Variants in VAT1L observed in about 807,000 individuals in gnomAD.
VAT1L encodes the protein putative NADPH-dependent quinone oxidoreductase VAT1L.
A neutral mutation model predicts 44.1 loss-of-function variants in VAT1L; 34 were observed. The ratio of observed to expected loss-of-function variants is 0.77; its 90% confidence interval spans 0.59 to 1.03. VAT1L has a LOEUF of 1.03. VAT1L is among the 50% of genes least tolerant of loss of function. The pLI is 0.00. For missense variants in VAT1L, 615 were observed against 538.8 expected (o/e 1.14, Z -1.40); for synonymous variants, 253 against 202.2 (o/e 1.25, Z -2.13).
rs555674707 is a variant in VAT1L at position 77,864,441 on chromosome 16, C to G, written c.722+1551C>G. ...AGCTCGATCTCTACCTGTGCCCCCCCACAAAAATACAAAACGTAGATGAGC... is the reference window on the plus strand; with the variant it reads ...AGCTCGATCTCTACCTGTGCCCCCCGACAAAAATACAAAACGTAGATGAGC... On this transcript the variant is annotated intron_variant, in intron 4 of 8. Coordinates refer to ENST00000302536, the MANE Select transcript of VAT1L (RefSeq NM_020927.3). Among the ~76,000 whole-genome samples, 291 of 149,128 alleles carry G rather than the reference C, an allele frequency of 2.0e-3. 1 individual carries two copies. The highest frequency in any genetic ancestry group is 3.4e-3 in the Non-Finnish European group (228 of 67,860).
chr16:77,855,991 G>A (rs1489012322), intron 3 of VAT1L, among the ~76,000 whole-genome samples: 2 of 152,082 alleles, frequency 1.3e-5, no homozygotes, highest in Non-Finnish European at 2.9e-5. Flanking sequence ...TCTCCAGCCT[G>A]GCAACAGAGG....
At chr16:77,917,063 T>C (rs1195611750) in intron 7 of VAT1L, among the ~76,000 whole-genome samples, 3 of 152,140 alleles carry the variant, frequency 2.0e-5, no homozygotes, top group Admixed American at 2.0e-4. Context: ...ATAAGAGATA[T>C]TGTTGAGTTA....
At chr16:77,880,001 C>G (rs2017132565) in intron 6 of VAT1L, among the ~76,000 whole-genome samples, 1 of 152,148 alleles carries the variant, frequency 6.6e-6, no homozygotes. Flanking sequence ...TAGACTCAGA[C>G]AAGCTCATGA....
intron 1 of VAT1L, among the ~76,000 whole-genome samples, chr16:77,808,358 GATTCTA>G (rs1235416816): frequency 1.3e-5 from 2 of 152,058 alleles, no homozygotes; most frequent in Non-Finnish European, 1.5e-5. Context: ...GCTCCCACTT[GATTCTA>G]CATTATGCTG....
chr16:77,905,815 T>C (rs1459978672), intron 7 of VAT1L, among the ~76,000 whole-genome samples: 1 of 152,228 alleles, frequency 6.6e-6, no homozygotes, highest in African/African-American at 2.4e-5. Flanking sequence ...GAAACATGGT[T>C]CTAAAAAATA....
rs1164354651 is a variant in VAT1L, at chr16:77,979,140, C to T, written c.*1445C>T. ...TGCATCTTAGCAATTACCTGATTTC[C>T]AAAGTCCTTTTGTAGCAAATGTCAC... On this transcript the variant is annotated 3_prime_UTR_variant, in exon 9 of 9. Transcript: ENST00000302536. The T allele has an allele frequency of 6.6e-6, 1 of 152,630 alleles. No homozygotes were observed. Among genetic ancestry groups the T allele is most frequent in the African/African-American group, 2.4e-5 (1 of 41,454 alleles). 9.5% of individuals were successfully genotyped at this position (152,630 alleles called of 1,614,324 possible). A position where few individuals can be genotyped will look rare whatever the true frequency, so the allele number is the denominator to read the frequency against.
intron 4 of VAT1L, among the ~76,000 whole-genome samples, chr16:77,867,964 A>C (rs182846602): frequency 7.2e-5 from 11 of 152,050 alleles, no homozygotes; most frequent in Admixed American, 1.3e-4. Context: ...TTTTTCATTT[A>C]TTCTGTACAG....
intron 7 of VAT1L, among the ~76,000 whole-genome samples, chr16:77,942,689 C>T (rs1020271322): frequency 2.0e-5 from 3 of 152,132 alleles, no homozygotes; most frequent in African/African-American, 7.2e-5. Flanking sequence ...GCAGATAGAG[C>T]AGTGGTTTGA....
intron 7 of VAT1L, among the ~76,000 whole-genome samples, chr16:77,970,863 G>A (rs2018271461): frequency 6.6e-6 from 1 of 152,178 alleles, no homozygotes. Context: ...GTTCCTCAAA[G>A]GCAGGCACTG....
intron 7 of VAT1L, among the ~76,000 whole-genome samples, chr16:77,923,451 G>GATGA (rs371394431): frequency 1.7e-3 from 254 of 152,250 alleles, no homozygotes; most frequent in African/African-American, 5.7e-3. Context: ...CTCTGTCATG[G>GATGA]ATGAATGAAT....
chr16:77,910,408 C>T (rs971219471), intron 7 of VAT1L, among the ~76,000 whole-genome samples: 2 of 152,256 alleles, frequency 1.3e-5, no homozygotes, highest in East Asian at 1.9e-4. Context: ...CGTGGTGGCT[C>T]ATGCCTGTAA....
Position 77,879,187 on chromosome 16 carries a change from C to G in VAT1L, c.845C>G (p.Thr282Ser). The stretch of plus-strand genomic sequence containing the variant: ...TTTTCAGGCTCATCCAACATGGTAA[C>G]TGGAGAGACCAAGAGCTTCTTCAGC... The part of the protein sequence containing the change: ...YILYGSSNMV[T>S]GETKSFFSFA... Residue 282 changes from threonine to serine, a missense_variant, in exon 6 of 9, where the codon ACT (threonine) becomes AGT (serine). Transcript: ENST00000302536. This position sits in a 1 kb window ranked among gnomAD's most constrained non-coding sequence, Gnocchi z 4.1. 2 of 1,614,206 alleles carry G rather than the reference C, an allele frequency of 1.2e-6. No individual in the cohort carries two copies. Among genetic ancestry groups the G allele is most frequent in the Non-Finnish European group, 1.7e-6 (2 of 1,180,024 alleles).
intron 7 of VAT1L, among the ~76,000 whole-genome samples, chr16:77,928,115 A>C (rs2142499702): frequency 6.6e-6 from 1 of 152,178 alleles, no homozygotes; most frequent in African/African-American, 2.4e-5. Context: ...TTATTGACAA[A>C]GTCATTTTAA....
intron 1 of VAT1L, among the ~76,000 whole-genome samples, chr16:77,796,547 T>C (rs2015936867): frequency 6.6e-6 from 1 of 152,240 alleles, no homozygotes; most frequent in East Asian, 1.9e-4. Context: ...CAAATAGCAC[T>C]TTCAACTTAT....
chr16:77,834,592 G>A (rs139571686), intron 3 of VAT1L, among the ~76,000 whole-genome samples: 71 of 152,110 alleles, frequency 4.7e-4, no homozygotes, highest in African/African-American at 1.7e-3. Context: ...AGGCTTCATC[G>A]GCCTGGGACC....
intron 8 of VAT1L, among the ~76,000 whole-genome samples, chr16:77,973,893 T>A (rs1567527455): frequency 6.6e-6 from 1 of 151,934 alleles, no homozygotes; most frequent in Non-Finnish European, 1.5e-5. Flanking sequence ...GCCTGGCTAA[T>A]TTTTTTGTAT....
intron 1 of VAT1L, chr16:77,801,123 CT>C (rs1172118605): frequency 1.3e-5 from 2 of 152,214 alleles, no homozygotes; most frequent in South Asian, 2.1e-4. Flanking sequence ...ACCACCGCCC[CT>C]GGCCCCATAG....
chr16:77,831,274 C>T (rs1362177830), intron 3 of VAT1L, among the ~76,000 whole-genome samples: 2 of 152,076 alleles, frequency 1.3e-5, no homozygotes, highest in Admixed American at 6.5e-5. Context: ...GCTTAGCAGA[C>T]TACTTGACAT....
At chr16:77,960,429 G>C (rs2018148921) in intron 7 of VAT1L, among the ~76,000 whole-genome samples, 1 of 152,146 alleles carries the variant, frequency 6.6e-6, no homozygotes, top group African/African-American at 2.4e-5. Context: ...ACAGTAGGAA[G>C]ATATTACCCA....
Sources: allele counts gnomAD v4.1 joint callset (sites outside exome capture counted in the v4.1 genomes callset), GRCh38; gene constraint gnomAD v4.1.1; non-coding constraint Gnocchi (gnomAD v3.1); transcripts MANE v1.5; gene names NCBI Gene and HGNC (gene_info 2026-07-23, HGNC 2026-07-21).